LOC400499: variants seen among roughly 807,000 people sequenced by gnomAD.
chr16:11,440,699 AG>A, the LOC400499 span: 5 of 399,036 alleles, frequency 1.3e-5, no homozygotes, highest in African/African-American at 1.0e-4. Flanking sequence ...TCCCTCGGCA[AG>A]GGAGCAGAAC....
At chr16:11,446,563 C>T in the LOC400499 span, 1 of 1,536,082 alleles carries the variant, frequency 6.5e-7, no homozygotes, top group South Asian at 1.2e-5. Flanking sequence ...GTGCTGATTC[C>T]AAGTAACCAG....
chr16:11,376,495 T>A, the LOC400499 span, among the ~76,000 whole-genome samples: 1 of 152,238 alleles, frequency 6.6e-6, no homozygotes, highest in Non-Finnish European at 1.5e-5. Flanking sequence ...TTGAAATCAT[T>A]TGACCACATG....
the LOC400499 span, chr16:11,393,345 G>A: frequency 4.1e-6 from 5 of 1,227,768 alleles, no homozygotes; most frequent in Non-Finnish European, 5.1e-6. Flanking sequence ...TGAGCCAACA[G>A]GGGCCGTGGC....
chr16:11,381,032 G>A, the LOC400499 span: 1 of 152,730 alleles, frequency 6.5e-6, no homozygotes, highest in African/African-American at 2.4e-5. Context: ...TCACATTTTT[G>A]GTACTAGAAC....
the LOC400499 span, among the ~76,000 whole-genome samples, chr16:11,418,647 C>G: frequency 2.0e-5 from 3 of 152,186 alleles, no homozygotes; most frequent in African/African-American, 7.2e-5. Context: ...ATCCAAGAAC[C>G]CTCCCTTGCG....
chr16:11,524,834 C>T, the LOC400499 span, among the ~76,000 whole-genome samples: 7 of 152,118 alleles, frequency 4.6e-5, no homozygotes, highest in South Asian at 1.5e-3. Context: ...AGGATCTTTC[C>T]CAGGCATCAC....
At chr16:11,373,514 A>C in the LOC400499 span, among the ~76,000 whole-genome samples, 1 of 151,966 alleles carries the variant, frequency 6.6e-6, no homozygotes, top group Non-Finnish European at 1.5e-5. Context: ...TTATATTTTT[A>C]GTAGAGACGG....
chr16:11,474,770 G>A, the LOC400499 span, among the ~76,000 whole-genome samples: 1 of 152,086 alleles, frequency 6.6e-6, no homozygotes, highest in Non-Finnish European at 1.5e-5. Flanking sequence ...TCAGGAGGCT[G>A]AGATGGGAGG....
At chr16:11,375,573 A>T in the LOC400499 span, among the ~76,000 whole-genome samples, 70,760 of 150,148 alleles carry the variant, frequency 0.47, 18,121 homozygotes, top group Non-Finnish European at 0.55. Flanking sequence ...TTGGCTTCCC[A>T]AAGTGCTGGG....
At chr16:11,486,775 ATGGG>A in the LOC400499 span, among the ~76,000 whole-genome samples, 6 of 17,758 alleles carry the variant, frequency 3.4e-4, no homozygotes, top group African/African-American at 7.5e-4. Context: ...TGAATGGATA[ATGGG>A]TGGGTGGGTG....
the LOC400499 span, chr16:11,383,513 G>T: frequency 3.8e-6 from 4 of 1,043,572 alleles, no homozygotes; most frequent in Non-Finnish European, 4.9e-6. Flanking sequence ...CTTAATAAAT[G>T]TTGTGACTCT....
chr16:11,524,989 G>A, the LOC400499 span, among the ~76,000 whole-genome samples: 2 of 152,164 alleles, frequency 1.3e-5, no homozygotes, highest in Admixed American at 6.5e-5. Flanking sequence ...TTAATCCCTC[G>A]AAAAACACAT....
chr16:11,383,564 G>A, the LOC400499 span: 2 of 1,212,836 alleles, frequency 1.6e-6, no homozygotes, highest in South Asian at 4.2e-5. Flanking sequence ...CCTGGTGAGA[G>A]AAAGGGACTG....
At chr16:11,524,389 A>G in the LOC400499 span, among the ~76,000 whole-genome samples, 2 of 104,276 alleles carry the variant, frequency 1.9e-5, no homozygotes, top group Non-Finnish European at 3.6e-5. Flanking sequence ...TCTCCTATCC[A>G]TCCAAGTGAC....
At chr16:11,523,769 T>A in the LOC400499 span, among the ~76,000 whole-genome samples, 5 of 152,078 alleles carry the variant, frequency 3.3e-5, no homozygotes, top group Admixed American at 6.5e-5. Flanking sequence ...GAGTCCAATA[T>A]GTCAGCAAGC....
chr16:11,505,470 T>A, the LOC400499 span, among the ~76,000 whole-genome samples: 2 of 112,618 alleles, frequency 1.8e-5, no homozygotes, highest in Admixed American at 1.1e-4. Flanking sequence ...TTTTTTTTTT[T>A]TGGAGAAGAG....
the LOC400499 span, among the ~76,000 whole-genome samples, chr16:11,463,585 G>A: frequency 6.6e-6 from 1 of 152,100 alleles, no homozygotes; most frequent in Non-Finnish European, 1.5e-5. Context: ...GATGTGTAAA[G>A]AGGTGTATAT....
the LOC400499 span, chr16:11,380,899 T>G: frequency 6.4e-6 from 1 of 155,654 alleles, no homozygotes; most frequent in Non-Finnish European, 1.4e-5. Context: ...ACCTCCTGTC[T>G]TGGCACTTCA....
chr16:11,475,338 TAAATAAAC>T, the LOC400499 span, among the ~76,000 whole-genome samples: 177 of 152,138 alleles, frequency 1.2e-3, no homozygotes, highest in African/African-American at 4.1e-3. Context: ...ATAAAAATAA[TAAATAAAC>T]AAATAAATAA....
Sources: allele counts gnomAD v4.1 joint callset (sites outside exome capture counted in the v4.1 genomes callset), GRCh38; gene constraint gnomAD v4.1.1; transcripts MANE v1.5.